Variants in GPC6 observed in about 807,000 individuals in gnomAD.
The protein encoded by GPC6 is glypican 6, also known as glypican-6.
A neutral mutation model predicts 55.2 loss-of-function variants in GPC6; 14 were observed. The ratio of observed to expected loss-of-function variants is 0.25; its 90% confidence interval spans 0.17 to 0.40. The LOEUF is 0.40. Among genes scored for constraint, GPC6 ranks in the 10% least tolerant of loss-of-function variants. The pLI is 1.00. For missense variants in GPC6, 641 were observed against 708.5 expected (o/e 0.90, Z 1.08); for synonymous variants, 278 against 259.6 (o/e 1.07, Z -0.68).
At chr13:93,472,880 G>A (rs576394060) in intron 1 of GPC6, among the ~76,000 whole-genome samples, 1 of 152,296 alleles carries the variant, frequency 6.6e-6, no homozygotes, top group African/African-American at 2.4e-5. Flanking sequence ...GAACACCTCA[G>A]TCTCCCACAG....
intron 1 of GPC6, among the ~76,000 whole-genome samples, chr13:93,481,668 G>A (rs1391448674): frequency 6.6e-6 from 1 of 151,558 alleles, no homozygotes; most frequent in African/African-American, 2.4e-5. Context: ...ATACTCAGTT[G>A]TGGCAGAATC....
chr13:93,818,681 A>G (rs1886944867), intron 2 of GPC6: 1 of 152,310 alleles, frequency 6.6e-6, no homozygotes, highest in African/African-American at 2.4e-5. Context: ...AAAAGATACC[A>G]GCACAGTCTT....
intron 6 of GPC6, among the ~76,000 whole-genome samples, chr13:94,311,492 G>T (rs571242666): frequency 2.0e-5 from 3 of 152,242 alleles, no homozygotes; most frequent in East Asian, 1.9e-4. Context: ...TTAAATACAT[G>T]CACTCTACAT....
chr13:93,362,540 T>C (rs1881077808), intron 1 of GPC6, among the ~76,000 whole-genome samples: 1 of 152,182 alleles, frequency 6.6e-6, no homozygotes, highest in Admixed American at 6.6e-5. Context: ...TAGTGACTTT[T>C]ACTAAAAAAC....
At chr13:93,640,640 T>A (rs1475545286) in intron 2 of GPC6, among the ~76,000 whole-genome samples, 1 of 151,926 alleles carries the variant, frequency 6.6e-6, no homozygotes, top group Non-Finnish European at 1.5e-5. Flanking sequence ...AAAGATAGAA[T>A]AAAAGCAGCC....
rs189176307 is a variant in GPC6, at chr13:94,344,735, C to T, written c.1153-37679C>T. Among the ~76,000 whole-genome samples, 9 of 152,352 alleles carry T rather than the reference C, an allele frequency of 5.9e-5. No individual in the cohort carries two copies. In the East Asian group the frequency reaches 1.2e-3, roughly 20 times the overall value. ...TTTAGTATTTGGACACTGACACTATCTGCAACTATTTAACCCTTTCTTTGT... is the reference window on the plus strand; with the variant it reads ...TTTAGTATTTGGACACTGACACTATTTGCAACTATTTAACCCTTTCTTTGT... On this transcript the variant is annotated intron_variant, in intron 6 of 8. Coordinates refer to ENST00000377047, the MANE Select transcript of GPC6 (RefSeq NM_005708.5).
chr13:93,847,561 TA>T (rs1028780622), intron 3 of GPC6, among the ~76,000 whole-genome samples: 17 of 152,242 alleles, frequency 1.1e-4, no homozygotes, highest in African/African-American at 4.1e-4. Flanking sequence ...TATAACTTTT[TA>T]AAAAATATGA....
chr13:93,309,667 T>C (rs1878995954), intron 1 of GPC6, among the ~76,000 whole-genome samples: 1 of 152,188 alleles, frequency 6.6e-6, no homozygotes, highest in Admixed American at 6.5e-5. Flanking sequence ...GAAGCTATCA[T>C]TATTTTCATG....
In GPC6 at chr13:93,311,533, G is replaced by A. The variant is rs570291472; in HGVS notation, c.160+83917G>A. On this transcript the variant is annotated intron_variant, in intron 1 of 8. Coordinates refer to ENST00000377047, the MANE Select transcript of GPC6 (RefSeq NM_005708.5). ...CTGGTTCCGGTAATCCCATAATAGT[G>A]TTGACTTATACTGCTTTTGAAATCA... Among the ~76,000 whole-genome samples the A allele has an allele frequency of 2.6e-5, 4 of 152,116 alleles. No individual in the cohort carries two copies. The South Asian group carries it at 6.2e-4, about 24-fold the overall frequency.
At chr13:94,024,730 A>G (rs1470221839) in intron 3 of GPC6, among the ~76,000 whole-genome samples, 1 of 152,226 alleles carries the variant, frequency 6.6e-6, no homozygotes, top group African/African-American at 2.4e-5. Context: ...AGACTGAGAA[A>G]ATAGTACTGG....
chr13:93,853,931 G>A (rs1161203658), intron 3 of GPC6, among the ~76,000 whole-genome samples: 1 of 151,626 alleles, frequency 6.6e-6, no homozygotes, highest in Non-Finnish European at 1.5e-5. Flanking sequence ...AAGATAAAAT[G>A]ACTGTAACTA....
intron 2 of GPC6, among the ~76,000 whole-genome samples, chr13:93,607,194 G>C (rs1011216871): frequency 2.6e-5 from 4 of 152,056 alleles, no homozygotes; most frequent in Admixed American, 6.6e-5. Flanking sequence ...GTCTTATTCG[G>C]ATATGACATC....
At chr13:93,506,973 G>A (rs1880748915) in intron 1 of GPC6, among the ~76,000 whole-genome samples, 1 of 143,754 alleles carries the variant, frequency 7.0e-6, no homozygotes, top group Non-Finnish European at 1.5e-5. Flanking sequence ...AGACAGAATG[G>A]TGTGAACCCG....
intron 4 of GPC6, among the ~76,000 whole-genome samples, chr13:94,228,240 C>G (rs2139009831): frequency 6.6e-6 from 1 of 152,190 alleles, no homozygotes; most frequent in East Asian, 1.9e-4. Context: ...TGAGAGAATG[C>G]AGCATTCTCG....
intron 3 of GPC6, among the ~76,000 whole-genome samples, chr13:93,890,877 A>G (rs1016136465): frequency 2.0e-5 from 3 of 151,880 alleles, no homozygotes; most frequent in Non-Finnish European, 4.4e-5. Flanking sequence ...GCCATAGTTT[A>G]TTATATAACC....
At chr13:93,841,802 T>C (rs1030799345) in intron 3 of GPC6, among the ~76,000 whole-genome samples, 1 of 152,334 alleles carries the variant, frequency 6.6e-6, no homozygotes, top group Admixed American at 6.5e-5. Flanking sequence ...GTGGATTTTA[T>C]ATGGAAATTT....
At chr13:93,347,036 TAAG>T (rs1379093708) in intron 1 of GPC6, among the ~76,000 whole-genome samples, 2 of 152,184 alleles carry the variant, frequency 1.3e-5, no homozygotes, top group Non-Finnish European at 2.9e-5. Context: ...GAACTGTAGC[TAAG>T]AAGTGTCAAA....
At chr13:93,877,609 A>G (rs1874666680) in intron 3 of GPC6, among the ~76,000 whole-genome samples, 1 of 152,074 alleles carries the variant, frequency 6.6e-6, no homozygotes, top group South Asian at 2.1e-4. Context: ...CCCTAAGTCT[A>G]TGTTAAGGAA....
chr13:94,012,624 A>T (rs979055894), intron 3 of GPC6, among the ~76,000 whole-genome samples: 1 of 152,218 alleles, frequency 6.6e-6, no homozygotes, highest in Non-Finnish European at 1.5e-5. Context: ...TCCTGTGTGT[A>T]TAGGGCATAT....
Sources: allele counts gnomAD v4.1 joint callset (sites outside exome capture counted in the v4.1 genomes callset), GRCh38; gene constraint gnomAD v4.1.1; transcripts MANE v1.5; gene names NCBI Gene and HGNC (gene_info 2026-07-23, HGNC 2026-07-21).